KCND2: variants seen among roughly 807,000 people sequenced by gnomAD.
KCND2 encodes A-type voltage-gated potassium channel KCND2.
A neutral mutation model predicts 54.4 loss-of-function variants in KCND2; 16 were observed. The ratio of observed to expected loss-of-function variants is 0.29; its 90% confidence interval spans 0.20 to 0.45. The LOEUF is 0.45. Ranked by LOEUF, KCND2 falls within the 20% of genes least tolerant of loss-of-function variation. The pLI, the probability that KCND2 is intolerant of heterozygous loss-of-function variation, is 1.00. For synonymous variants in KCND2, 317 were observed against 310.7 expected, an observed-to-expected ratio of 1.02 and a Z score of -0.21; for missense variants, 486 against 824.2, an observed-to-expected ratio of 0.59 and a Z score of 5.02.
chr7:120,668,507 AT>A (rs977671816), intron 1 of KCND2, among the ~76,000 whole-genome samples: 1 of 151,724 alleles, frequency 6.6e-6, no homozygotes, highest in African/African-American at 2.4e-5. Flanking sequence ...ATTGTCCTTT[AT>A]TTTTTTTGAT....
At chr7:120,350,392 C>T (rs1337751317) in intron 1 of KCND2, among the ~76,000 whole-genome samples, 1 of 152,046 alleles carries the variant, frequency 6.6e-6, no homozygotes, top group Non-Finnish European at 1.5e-5. Flanking sequence ...GTACATTTAG[C>T]ACACTAACCA....
At chr7:120,661,494 C>CA (rs1303929163) in intron 1 of KCND2, among the ~76,000 whole-genome samples, 1 of 151,844 alleles carries the variant, frequency 6.6e-6, no homozygotes, top group Non-Finnish European at 1.5e-5. Context: ...ACTAAAAATA[C>CA]AAAAAATTAG....
At chr7:120,591,369 G>C (rs1792669687) in intron 1 of KCND2, among the ~76,000 whole-genome samples, 1 of 152,182 alleles carries the variant, frequency 6.6e-6, no homozygotes, top group Non-Finnish European at 1.5e-5. Flanking sequence ...CATAGAAAGT[G>C]TCCTGCTCAT....
intron 1 of KCND2, among the ~76,000 whole-genome samples, chr7:120,390,911 A>T (rs558827430): frequency 1.7e-4 from 26 of 152,110 alleles, no homozygotes; most frequent in African/African-American, 2.2e-4. Context: ...AAATTTTTTT[A>T]AATTTTACTT....
At chr7:120,557,634 A>T (rs1006304456) in intron 1 of KCND2, among the ~76,000 whole-genome samples, 7 of 152,114 alleles carry the variant, frequency 4.6e-5, no homozygotes, top group Non-Finnish European at 8.8e-5. Context: ...GACTGATAAC[A>T]TACCCACTAT....
At chr7:120,462,627 T>C (rs981791822) in intron 1 of KCND2, among the ~76,000 whole-genome samples, 3 of 152,040 alleles carry the variant, frequency 2.0e-5, no homozygotes, top group Non-Finnish European at 4.4e-5. Context: ...AAATAGTCTA[T>C]AATCTCTGCC....
chr7:120,523,102 G>GA (rs1791720108), intron 1 of KCND2, among the ~76,000 whole-genome samples: 1 of 152,140 alleles, frequency 6.6e-6, no homozygotes, highest in Non-Finnish European at 1.5e-5. Context: ...AATATTTGTA[G>GA]AAGGTTACCA....
At chr7:120,283,538 A>T (rs1353869869) in intron 1 of KCND2, among the ~76,000 whole-genome samples, 2 of 152,176 alleles carry the variant, frequency 1.3e-5, no homozygotes, top group Non-Finnish European at 1.5e-5. Flanking sequence ...CTAAAAAATG[A>T]GTATTTTCTA....
intron 1 of KCND2, among the ~76,000 whole-genome samples, chr7:120,465,099 CT>C (rs992118316): frequency 6.6e-6 from 1 of 151,994 alleles, no homozygotes; most frequent in African/African-American, 2.4e-5. Flanking sequence ...TTGGAGAAGT[CT>C]TTTTTACAGA....
intron 1 of KCND2, among the ~76,000 whole-genome samples, chr7:120,571,842 C>A (rs897126013): frequency 2.0e-5 from 3 of 152,146 alleles, no homozygotes; most frequent in African/African-American, 4.8e-5. Flanking sequence ...TGTGTGGAAT[C>A]CTGATTGGAT....
chr7:120,338,464 A>G (rs1300930059), intron 1 of KCND2, among the ~76,000 whole-genome samples: 1 of 151,976 alleles, frequency 6.6e-6, no homozygotes, highest in Non-Finnish European at 1.5e-5. Context: ...TTCTTCAACT[A>G]TTTAATGTGA....
At chr7:120,595,038 A>AG (rs1554373287) in intron 1 of KCND2, among the ~76,000 whole-genome samples, 16 of 151,216 alleles carry the variant, frequency 1.1e-4, no homozygotes, top group Non-Finnish European at 1.5e-4. Context: ...AAAAAAAAAA[A>AG]AGAGAGAGAG....
chr7:120,424,518 C>T (rs1048863414), intron 1 of KCND2, among the ~76,000 whole-genome samples: 2 of 152,192 alleles, frequency 1.3e-5, no homozygotes, highest in Non-Finnish European at 2.9e-5. Flanking sequence ...TGGTCACATT[C>T]ACTTCTGTTA....
intron 1 of KCND2, among the ~76,000 whole-genome samples, chr7:120,694,325 A>G (rs1424969949): frequency 1.3e-5 from 2 of 152,322 alleles, no homozygotes; most frequent in East Asian, 3.9e-4. Context: ...ATCTAGATAT[A>G]GGTGATCTTT....
intron 1 of KCND2, among the ~76,000 whole-genome samples, chr7:120,556,196 C>T (rs1038834245): frequency 6.6e-6 from 1 of 152,118 alleles, no homozygotes; most frequent in Non-Finnish European, 1.5e-5. Flanking sequence ...ATTGCCCTTC[C>T]GTCTCTCAAT....
intron 1 of KCND2, among the ~76,000 whole-genome samples, chr7:120,545,651 G>A (rs1379494850): frequency 6.6e-6 from 1 of 151,722 alleles, no homozygotes; most frequent in African/African-American, 2.4e-5. Flanking sequence ...GGCATACTCT[G>A]TGTATCTCTT....
chr7:120,515,125 C>T (rs1803177416), intron 1 of KCND2, among the ~76,000 whole-genome samples: 1 of 152,050 alleles, frequency 6.6e-6, no homozygotes, highest in Non-Finnish European at 1.5e-5. Context: ...TCTCACTCTT[C>T]CCATTGGGTT....
intron 1 of KCND2, among the ~76,000 whole-genome samples, chr7:120,722,163 C>G (rs1197256735): frequency 1.3e-5 from 2 of 152,128 alleles, no homozygotes; most frequent in African/African-American, 2.4e-5. Flanking sequence ...AAGGCAAGCC[C>G]ATGACCTGGC....
At chr7:120,300,228 C>T (rs1354954094) in intron 1 of KCND2, among the ~76,000 whole-genome samples, 1 of 152,086 alleles carries the variant, frequency 6.6e-6, no homozygotes, top group Non-Finnish European at 1.5e-5. Context: ...TTGACCAATT[C>T]ATATTAGTGA....
Sources: allele counts gnomAD v4.1 joint callset (sites outside exome capture counted in the v4.1 genomes callset), GRCh38; gene constraint gnomAD v4.1.1; transcripts MANE v1.5; gene names NCBI Gene and HGNC (gene_info 2026-07-23, HGNC 2026-07-21).